Variants in CAST observed in about 807,000 individuals in gnomAD.
The protein encoded by CAST is calpastatin.
A neutral mutation model predicts 119.6 loss-of-function variants in CAST; 76 were observed. The ratio of observed to expected loss-of-function variants is 0.64; its 90% CI spans 0.53 to 0.77. The LOEUF (loss-of-function observed/expected upper bound fraction) is 0.77. CAST is among the 30% of genes least tolerant of loss of function. The pLI is 0.00. For missense variants in CAST, 953 were observed against 946.5 expected, an observed-to-expected ratio of 1.01 and a Z score of -0.09; for synonymous variants, 319 against 331.6, an observed-to-expected ratio of 0.96 and a Z score of 0.41.
chr5:96,229,949 C>T, the CAST span, among the ~76,000 whole-genome samples: 72 of 152,234 alleles, frequency 4.7e-4, no homozygotes, highest in Admixed American at 1.0e-3. Flanking sequence ...CCCACCTGGA[C>T]GCAGACAGCT....
the CAST span, among the ~76,000 whole-genome samples, chr5:96,147,899 A>G: frequency 6.6e-6 from 1 of 152,272 alleles, no homozygotes; most frequent in African/African-American, 2.4e-5. Flanking sequence ...ATTAATTTTT[A>G]TCCCATCCAT....
chr5:96,373,232 T>C, the CAST span, among the ~76,000 whole-genome samples: 1 of 152,190 alleles, frequency 6.6e-6, no homozygotes, highest in Non-Finnish European at 1.5e-5. Context: ...TGAAAAGCAA[T>C]TAAGGCCTCA....
chr5:96,664,499 C>T lies in CAST; in HGVS notation c.75+2002C>T, dbSNP rs149808631. ...CTAGTCTAAAACTCCTGGTCTCAAG[C>T]AATCCTCCCACCTCAGCCTCCCAAA... is the stretch of plus-strand genomic sequence containing the variant. On this transcript the variant is annotated intron_variant, in intron 1 of 31. Transcript: ENST00000675179. Among the ~76,000 whole-genome samples, 4 of 152,156 alleles carry T rather than the reference C, an allele frequency of 2.6e-5. No individual in the cohort carries two copies. The East Asian group carries it at 7.7e-4, about 29-fold the overall frequency.
the CAST span, among the ~76,000 whole-genome samples, chr5:96,332,092 G>T: frequency 1.3e-5 from 2 of 152,202 alleles, no homozygotes; most frequent in Non-Finnish European, 2.9e-5. Context: ...GAGTCCCCCA[G>T]TTGTAAAAGA....
At chr5:96,477,757 G>T in the CAST span, among the ~76,000 whole-genome samples, 1 of 152,176 alleles carries the variant, frequency 6.6e-6, no homozygotes, top group Non-Finnish European at 1.5e-5. Flanking sequence ...GGTTGCAAGT[G>T]CCGTGTTGGA....
At chr5:96,395,144 A>C in the CAST span, 3 of 860,914 alleles carry the variant, frequency 3.5e-6, no homozygotes, top group Non-Finnish European at 3.8e-6. Flanking sequence ...TGTGCATTTC[A>C]TGTGAAAGAA....
intron 1 of CAST, among the ~76,000 whole-genome samples, chr5:96,647,706 C>T (rs906885701): frequency 1.3e-5 from 2 of 152,102 alleles, no homozygotes; most frequent in African/African-American, 2.4e-5. Context: ...CGGGAGAACA[C>T]CGTGTGAGAG....
At chr5:96,304,665 T>A in the CAST span, among the ~76,000 whole-genome samples, 636 of 152,366 alleles carry the variant, frequency 4.2e-3, 4 homozygotes, top group African/African-American at 0.014. Flanking sequence ...GCTTTCTGCA[T>A]ATGGCTATCC....
Position 96,609,778 on chromosome 5 carries a change from T to C in CAST, c.61-65761T>C, listed in dbSNP as rs572603034. On this transcript the variant is annotated intron_variant, in intron 1 of 11. Transcript: ENST00000505143. Reference sequence around the variant, plus strand: ...TACAAAAAGGGGGAAGGAATGTCTTTTCTTTCTATCCTTTTAATTTAAAGG... The same window carrying C: ...TACAAAAAGGGGGAAGGAATGTCTTCTCTTTCTATCCTTTTAATTTAAAGG... Among the ~76,000 whole-genome samples the C allele has an allele frequency of 3.9e-5, 6 of 152,348 alleles. No individual in the cohort carries two copies. In the East Asian group the frequency reaches 1.2e-3, roughly 29 times the overall value.
the CAST span, among the ~76,000 whole-genome samples, chr5:96,141,676 T>C: frequency 6.6e-6 from 1 of 152,252 alleles, no homozygotes; most frequent in Non-Finnish European, 1.5e-5. Flanking sequence ...GAAAATCCTA[T>C]TCAAAGCTGC....
chr5:96,049,903 A>G, the CAST span, among the ~76,000 whole-genome samples: 5 of 148,880 alleles, frequency 3.4e-5, no homozygotes, highest in Non-Finnish European at 6.0e-5. Flanking sequence ...AAAAAAAAAA[A>G]AAAAAAAAAA....
the CAST span, among the ~76,000 whole-genome samples, chr5:96,169,940 G>A: frequency 1.3e-5 from 2 of 152,120 alleles, no homozygotes; most frequent in African/African-American, 2.4e-5. Flanking sequence ...CAGAGTTGGG[G>A]AGTTTTAAGA....
the CAST span, among the ~76,000 whole-genome samples, chr5:96,166,947 C>T: frequency 2.3e-3 from 350 of 152,094 alleles, no homozygotes; most frequent in African/African-American, 8.1e-3. Context: ...GGATTACGAG[C>T]GGCTTGGGAA....
chr5:96,183,196 TACA>T, the CAST span, among the ~76,000 whole-genome samples: 1 of 145,414 alleles, frequency 6.9e-6, no homozygotes, highest in Non-Finnish European at 1.5e-5. Context: ...ATAATAATAA[TACA>T]ATGTTTCTGA....
At chr5:96,385,329 G>T in the CAST span, among the ~76,000 whole-genome samples, 1 of 152,146 alleles carries the variant, frequency 6.6e-6, no homozygotes, top group East Asian at 1.9e-4. Context: ...AACTCTCTAG[G>T]TGTTCCTGGA....
At chr5:95,964,986 G>A in the CAST span, 1 of 151,508 alleles carries the variant, frequency 6.6e-6, no homozygotes, top group Non-Finnish European at 1.5e-5. Flanking sequence ...TTCAAATGCT[G>A]GGCCACCCCT....
chr5:96,366,822 T>C, the CAST span, among the ~76,000 whole-genome samples: 1 of 152,238 alleles, frequency 6.6e-6, no homozygotes, highest in African/African-American at 2.4e-5. Context: ...CCTTCTTCTC[T>C]CAACATGTCA....
the CAST span, among the ~76,000 whole-genome samples, chr5:96,013,608 T>C: frequency 6.6e-6 from 1 of 152,106 alleles, no homozygotes; most frequent in African/African-American, 2.4e-5. Context: ...TTTATCATTG[T>C]ACAAACATCA....
the CAST span, among the ~76,000 whole-genome samples, chr5:96,304,833 T>C: frequency 6.6e-6 from 1 of 152,220 alleles, no homozygotes; most frequent in Non-Finnish European, 1.5e-5. Flanking sequence ...ACCAGTACCA[T>C]GCTGTTTTGG....
Sources: gnomAD v4.1 joint callset for allele counts (sites outside exome capture counted in the v4.1 genomes callset) on GRCh38, gnomAD v4.1.1 for gene constraint, MANE v1.5 for transcripts, NCBI Gene and HGNC (gene_info 2026-07-23, HGNC 2026-07-21) for gene names.